Variants in SNTG2 observed in about 807,000 individuals in gnomAD.
SNTG2 encodes gamma-2-syntrophin.
SNTG2 carries 74 observed loss-of-function variants against 70.9 expected under a neutral mutation model. That is an observed-to-expected ratio of 1.04 (90% CI 0.86 to 1.27). The LOEUF (loss-of-function observed/expected upper bound fraction) is 1.27, where lower values mean the gene tolerates loss of function less well. Among genes scored for constraint, SNTG2 ranks in the 50% most tolerant of loss-of-function variants. SNTG2 has a pLI of 0.00. For missense variants in SNTG2, 717 were observed against 690.7 expected, an observed-to-expected ratio of 1.04 and a Z score of -0.43; for synonymous variants, 278 against 273.8, an observed-to-expected ratio of 1.02 and a Z score of -0.15.
At chr2:1,206,408 C>T (rs1356696298) in intron 8 of SNTG2, among the ~76,000 whole-genome samples, 1 of 152,100 alleles carries the variant, frequency 6.6e-6, no homozygotes, top group Non-Finnish European at 1.5e-5. Context: ...GAGCAAAGAG[C>T]TGGGTGTGCT....
In SNTG2 at chr2:971,059, T is replaced by G. The variant is rs539818958; in HGVS notation, c.72+19991T>G. Among the ~76,000 whole-genome samples, 7 of 152,326 alleles carry G rather than the reference T, an allele frequency of 4.6e-5. No homozygotes were observed. In the South Asian group the frequency reaches 1.2e-3, roughly 27 times the overall value. On this transcript the variant is annotated intron_variant, in intron 1 of 16. Coordinates refer to ENST00000308624, the MANE Select transcript of SNTG2 (RefSeq NM_018968.4). Reference sequence around the variant, plus strand: ...CTTTTACACTGTTGGTGGGATTGTTTGAGGACTTTTGCATCTATGTTCATC... The same window carrying G: ...CTTTTACACTGTTGGTGGGATTGTTGGAGGACTTTTGCATCTATGTTCATC...
intron 13 of SNTG2, among the ~76,000 whole-genome samples, chr2:1,265,746 G>T (rs1315186424): frequency 6.6e-6 from 1 of 152,244 alleles, no homozygotes; most frequent in Non-Finnish European, 1.5e-5. Flanking sequence ...CAGCTTGGCT[G>T]GTTGGCACAA....
chr2:1,087,047 A>G (rs1664726335), intron 2 of SNTG2, among the ~76,000 whole-genome samples: 2 of 152,220 alleles, frequency 1.3e-5, no homozygotes, highest in Admixed American at 1.3e-4. Flanking sequence ...CATTTGAGGA[A>G]TCCGGGGTGC....
intron 2 of SNTG2, among the ~76,000 whole-genome samples, chr2:1,093,039 A>G (rs755666280): frequency 2.6e-5 from 4 of 152,202 alleles, no homozygotes; most frequent in Non-Finnish European, 5.9e-5. Flanking sequence ...GTTTTATGAT[A>G]CATTCGATTG....
intron 4 of SNTG2, among the ~76,000 whole-genome samples, chr2:1,124,050 A>G (rs13418489): frequency 0.47 from 71,831 of 151,860 alleles, 18,025 homozygotes; most frequent in East Asian, 0.66. Flanking sequence ...TTTAAGTTCT[A>G]TTGCACAGTG....
chr2:1,263,946 A>G (rs868197691), intron 13 of SNTG2, among the ~76,000 whole-genome samples: 1 of 152,114 alleles, frequency 6.6e-6, no homozygotes, highest in Admixed American at 6.6e-5. Flanking sequence ...CTGCCCAAAT[A>G]TAGCAAGTGA....
chr2:1,255,656 G>A (rs1678011205), intron 12 of SNTG2, among the ~76,000 whole-genome samples: 1 of 151,660 alleles, frequency 6.6e-6, no homozygotes, highest in South Asian at 2.1e-4. Flanking sequence ...GCCACACTCA[G>A]GCATGGCACA....
intron 9 of SNTG2, among the ~76,000 whole-genome samples, chr2:1,213,591 G>A (rs949050008): frequency 1.3e-5 from 2 of 152,200 alleles, no homozygotes; most frequent in Non-Finnish European, 2.9e-5. Flanking sequence ...GGCTCAAGCT[G>A]GGCAACAGCC....
chr2:987,391 G>T (rs746005415), intron 1 of SNTG2, among the ~76,000 whole-genome samples: 11 of 152,110 alleles, frequency 7.2e-5, no homozygotes, highest in Non-Finnish European at 1.5e-4. Flanking sequence ...CGCAGAGGTG[G>T]GTCTGTGAAG....
At chr2:994,321 G>A (rs1165243860) in intron 1 of SNTG2, among the ~76,000 whole-genome samples, 3 of 152,042 alleles carry the variant, frequency 2.0e-5, no homozygotes, top group African/African-American at 7.2e-5. Flanking sequence ...TAATACATGT[G>A]AGGGTTTATT....
At chr2:1,268,151 A>G (rs1024338269) in intron 14 of SNTG2, among the ~76,000 whole-genome samples, 1 of 152,202 alleles carries the variant, frequency 6.6e-6, no homozygotes, top group Non-Finnish European at 1.5e-5. Context: ...CTTATCCTAA[A>G]TAGCGGGATG....
intron 1 of SNTG2, among the ~76,000 whole-genome samples, chr2:1,070,616 A>G (rs1663470233): frequency 6.6e-6 from 1 of 152,238 alleles, no homozygotes; most frequent in African/African-American, 2.4e-5. Context: ...GTGACACAGC[A>G]GGGATTTATA....
chr2:1,295,782 G>A (rs1014278175), intron 14 of SNTG2, among the ~76,000 whole-genome samples: 21 of 152,064 alleles, frequency 1.4e-4, no homozygotes, highest in African/African-American at 5.1e-4. Flanking sequence ...CTGTATTGGG[G>A]TGGGAGGGTC....
intron 1 of SNTG2, among the ~76,000 whole-genome samples, chr2:1,063,817 A>G (rs1253207323): frequency 1.3e-5 from 2 of 152,232 alleles, no homozygotes; most frequent in Admixed American, 1.3e-4. Context: ...TTTATGGATA[A>G]TAGCAGAGTC....
At chr2:1,362,929 C>T (rs963787304) in intron 16 of SNTG2, among the ~76,000 whole-genome samples, 10 of 152,090 alleles carry the variant, frequency 6.6e-5, no homozygotes, top group Non-Finnish European at 1.3e-4. Flanking sequence ...CGAAGGTCAC[C>T]GATGCTGAGC....
At chr2:1,028,126 G>A (rs1269481876) in intron 1 of SNTG2, among the ~76,000 whole-genome samples, 3 of 150,772 alleles carry the variant, frequency 2.0e-5, no homozygotes, top group Non-Finnish European at 2.9e-5. Flanking sequence ...TCTCTGTTGA[G>A]TAAAGAGATA....
intron 1 of SNTG2, among the ~76,000 whole-genome samples, chr2:1,050,460 C>G (rs1661993000): frequency 6.6e-6 from 1 of 151,562 alleles, no homozygotes; most frequent in Non-Finnish European, 1.5e-5. Flanking sequence ...ACATTTATCA[C>G]AAATGTGGAG....
At chr2:1,223,815 T>C (rs886477167) in intron 9 of SNTG2, among the ~76,000 whole-genome samples, 3 of 143,906 alleles carry the variant, frequency 2.1e-5, no homozygotes, top group Non-Finnish European at 3.2e-5. Context: ...TGGGCTGCCA[T>C]AGCCCAGTTC....
chr2:993,113 T>C (rs1026501768), intron 1 of SNTG2, among the ~76,000 whole-genome samples: 1 of 149,624 alleles, frequency 6.7e-6, no homozygotes, highest in African/African-American at 2.5e-5. Flanking sequence ...TTAGGGTACA[T>C]GTGCACATTG....
Sources: allele counts gnomAD v4.1 joint callset (sites outside exome capture counted in the v4.1 genomes callset), GRCh38; gene constraint gnomAD v4.1.1; transcripts MANE v1.5; gene names NCBI Gene and HGNC (gene_info 2026-07-23, HGNC 2026-07-21).